PDE10A: variants seen among roughly 807,000 people sequenced by gnomAD.
PDE10A encodes the protein cAMP and cAMP-inhibited cGMP 3',5'-cyclic phosphodiesterase 10A.
Under a neutral mutation model 97.7 loss-of-function variants are expected in PDE10A, and 39 were observed. The observed-to-expected ratio is 0.40, with a 90% CI of 0.31 to 0.52. PDE10A has a LOEUF of 0.52. Among genes scored for constraint, PDE10A ranks in the 20% least tolerant of loss-of-function variants. PDE10A has a pLI of 0.56. For missense variants in PDE10A, 731 were observed against 1,047.8 expected (o/e 0.70, Z 4.17); for synonymous variants, 371 against 376.8 (o/e 0.98, Z 0.18).
intron 1 of PDE10A, among the ~76,000 whole-genome samples, chr6:165,954,026 T>C (rs1180117380): frequency 6.6e-6 from 1 of 152,236 alleles, no homozygotes; most frequent in Non-Finnish European, 1.5e-5. Context: ...TCCAGATTGC[T>C]TCTTTCACTA....
At chr6:165,340,704 A>C (rs1009506025) in intron 19 of PDE10A, among the ~76,000 whole-genome samples, 1 of 152,224 alleles carries the variant, frequency 6.6e-6, no homozygotes, top group African/African-American at 2.4e-5. Flanking sequence ...AGCCAATCTG[A>C]GGCTTTCACA....
intron 1 of PDE10A, among the ~76,000 whole-genome samples, chr6:165,926,190 G>A (rs1782930268): frequency 6.6e-6 from 1 of 152,166 alleles, no homozygotes; most frequent in Admixed American, 6.5e-5. Context: ...GTGGCTGATG[G>A]TGCCATCTTT....
At chr6:165,699,945 A>G (rs1791529165) in intron 1 of PDE10A, among the ~76,000 whole-genome samples, 1 of 152,140 alleles carries the variant, frequency 6.6e-6, no homozygotes, top group African/African-American at 2.4e-5. Flanking sequence ...AGCAAACAAA[A>G]CCTAAATCAA....
chr6:165,986,396 TGG>T (rs1785211448), intron 1 of PDE10A: 1 of 153,040 alleles, frequency 6.5e-6, no homozygotes, highest in East Asian at 1.9e-4. Flanking sequence ...GGAAGGGACT[TGG>T]GGTGGCAGGA....
At chr6:165,512,253 T>G (rs997648564) in intron 2 of PDE10A, among the ~76,000 whole-genome samples, 3 of 151,994 alleles carry the variant, frequency 2.0e-5, no homozygotes, top group African/African-American at 7.2e-5. Flanking sequence ...GCTTCCAGTT[T>G]AGGACTTCCT....
At chr6:165,422,433 G>A (rs547839411) in intron 10 of PDE10A, among the ~76,000 whole-genome samples, 4 of 131,862 alleles carry the variant, frequency 3.0e-5, no homozygotes, top group Non-Finnish European at 6.4e-5. Flanking sequence ...ACACACATAC[G>A]CATACACACA....
At chr6:165,747,267 A>G (rs1323988510) in intron 1 of PDE10A, among the ~76,000 whole-genome samples, 1 of 152,146 alleles carries the variant, frequency 6.6e-6, no homozygotes, top group African/African-American at 2.4e-5. Context: ...GTTTTAAATG[A>G]ATATGATTTT....
intron 1 of PDE10A, among the ~76,000 whole-genome samples, chr6:165,608,580 T>A (rs199983553): frequency 0.17 from 26,153 of 151,800 alleles, 2,633 homozygotes; most frequent in African/African-American, 0.28. Context: ...ATACATGTGA[T>A]TGTGTCTTTA....
At chr6:165,916,171 A>G (rs1782599159) in intron 1 of PDE10A, among the ~76,000 whole-genome samples, 1 of 152,226 alleles carries the variant, frequency 6.6e-6, no homozygotes, top group Non-Finnish European at 1.5e-5. Flanking sequence ...GTTGTCAGCA[A>G]TTGTCAGAAC....
At chr6:165,957,860 T>G (rs1784182526) in intron 1 of PDE10A, among the ~76,000 whole-genome samples, 1 of 152,298 alleles carries the variant, frequency 6.6e-6, no homozygotes, top group Admixed American at 6.5e-5. Context: ...ACAATTGTGT[T>G]TGGGGGAGTC....
chr6:165,504,924 G>C (rs146397249), intron 2 of PDE10A, among the ~76,000 whole-genome samples: 6 of 152,242 alleles, frequency 3.9e-5, no homozygotes, highest in African/African-American at 1.2e-4. Context: ...ATTCAGAACT[G>C]AGTTAAGTGA....
chr6:165,954,183 G>A (rs892866755), intron 1 of PDE10A, among the ~76,000 whole-genome samples: 2 of 152,080 alleles, frequency 1.3e-5, no homozygotes, highest in African/African-American at 2.4e-5. Context: ...TTTCAGTTTG[G>A]GGCAATTATA....
intron 2 of PDE10A, among the ~76,000 whole-genome samples, chr6:165,523,042 A>C (rs1782223852): frequency 6.6e-6 from 1 of 152,170 alleles, no homozygotes. Context: ...AAATAAAAAA[A>C]AATACCTAGG....
intron 21 of PDE10A, among the ~76,000 whole-genome samples, chr6:165,334,307 C>T (rs979508654): frequency 4.6e-5 from 7 of 150,640 alleles, no homozygotes; most frequent in Non-Finnish European, 7.4e-5. Context: ...GCCTCCATAG[C>T]GCCTTACAGC....
intron 2 of PDE10A, among the ~76,000 whole-genome samples, chr6:165,520,819 A>G (rs1278489268): frequency 6.6e-6 from 1 of 152,156 alleles, no homozygotes; most frequent in Non-Finnish European, 1.5e-5. Context: ...TATTGGGTGG[A>G]CTGGACAATT....
At chr6:165,777,666 A>G (rs567294958) in intron 1 of PDE10A, among the ~76,000 whole-genome samples, 1 of 152,008 alleles carries the variant, frequency 6.6e-6, no homozygotes, top group East Asian at 1.9e-4. Flanking sequence ...ATGGACAGAT[A>G]AGATCGGCGG....
intron 1 of PDE10A, among the ~76,000 whole-genome samples, chr6:165,822,154 G>A (rs73031955): frequency 0.032 from 4,847 of 152,264 alleles, 87 homozygotes; most frequent in Middle Eastern, 0.071. Context: ...GTCCTTTGGC[G>A]GTTGTATCCT....
At chr6:165,920,938 G>T (rs997159083) in intron 1 of PDE10A, among the ~76,000 whole-genome samples, 1 of 152,226 alleles carries the variant, frequency 6.6e-6, no homozygotes, top group South Asian at 2.1e-4. Context: ...TTTGTTTGGA[G>T]GAAAGAATCT....
chr6:165,964,537 A>T (rs967444836), intron 1 of PDE10A, among the ~76,000 whole-genome samples: 1 of 152,162 alleles, frequency 6.6e-6, no homozygotes, highest in African/African-American at 2.4e-5. Flanking sequence ...CTACTTAGGG[A>T]TGCTAGTGGA....
Sources: gnomAD v4.1 joint callset for allele counts (sites outside exome capture counted in the v4.1 genomes callset) on GRCh38, gnomAD v4.1.1 for gene constraint, MANE v1.5 for transcripts, NCBI Gene and HGNC (gene_info 2026-07-23, HGNC 2026-07-21) for gene names.